Variants in SHISA9 observed in about 807,000 individuals in gnomAD.
SHISA9 encodes the protein protein shisa-9.
In SHISA9, 13 loss-of-function variants were observed where a neutral mutation model predicts 38.0. The ratio of observed to expected loss-of-function variants is 0.34; its 90% CI spans 0.22 to 0.54. SHISA9 has a LOEUF of 0.54. Ranked by LOEUF, SHISA9 falls within the 20% of genes least tolerant of loss-of-function variation. The probability of loss-of-function intolerance (pLI) is 0.91; values close to 1 mark genes in which losing one functional copy is unlikely to be tolerated. For missense variants in SHISA9, 538 were observed against 575.8 expected (o/e 0.93, Z 0.67); for synonymous variants, 275 against 242.0 (o/e 1.14, Z -1.27).
At chr16:13,093,684 G>A (rs577831589) in intron 2 of SHISA9, among the ~76,000 whole-genome samples, 2 of 152,126 alleles carry the variant, frequency 1.3e-5, no homozygotes, top group Non-Finnish European at 2.9e-5. Context: ...GCGCCCACAT[G>A]TGCTTTGAGG....
chr16:13,284,036 A>G, the SHISA9 span, among the ~76,000 whole-genome samples: 4 of 152,146 alleles, frequency 2.6e-5, no homozygotes, highest in Non-Finnish European at 5.9e-5. Context: ...CATCCTTTTG[A>G]TGCCTTCATT....
chr16:13,535,715 A>G, the SHISA9 span, among the ~76,000 whole-genome samples: 1 of 152,266 alleles, frequency 6.6e-6, no homozygotes, highest in East Asian at 1.9e-4. Context: ...CCTTCTTGGT[A>G]GTCTTTCTTC....
At chr16:13,130,515 A>G (rs968155293) in intron 2 of SHISA9, among the ~76,000 whole-genome samples, 10 of 152,260 alleles carry the variant, frequency 6.6e-5, no homozygotes, top group African/African-American at 2.4e-4. Flanking sequence ...GTACTTTTCC[A>G]AAGTACTTCA....
the SHISA9 span, among the ~76,000 whole-genome samples, chr16:13,503,775 T>A: frequency 6.6e-6 from 1 of 152,142 alleles, no homozygotes; most frequent in Non-Finnish European, 1.5e-5. Context: ...AAGGCGTGGA[T>A]GTAATATAAT....
intron 2 of SHISA9, among the ~76,000 whole-genome samples, chr16:13,092,942 C>T (rs13331847): frequency 7.9e-5 from 12 of 152,266 alleles, no homozygotes; most frequent in Middle Eastern, 3.4e-3. Context: ...TGTTCCTATT[C>T]GGCCATCTTG....
At chr16:13,372,991 T>TA in the SHISA9 span, among the ~76,000 whole-genome samples, 1 of 152,168 alleles carries the variant, frequency 6.6e-6, no homozygotes, top group African/African-American at 2.4e-5. Context: ...CATAAAATAG[T>TA]AAGTTTTTTT....
At chr16:12,989,093 A>G (rs894475072) in intron 2 of SHISA9, among the ~76,000 whole-genome samples, 5 of 152,200 alleles carry the variant, frequency 3.3e-5, no homozygotes, top group Non-Finnish European at 5.9e-5. Flanking sequence ...TTTTCAGACT[A>G]AAGATCCATT....
At chr16:13,292,110 G>C in the SHISA9 span, among the ~76,000 whole-genome samples, 1 of 151,398 alleles carries the variant, frequency 6.6e-6, no homozygotes, top group Non-Finnish European at 1.5e-5. Flanking sequence ...CAGAGACCAA[G>C]TGTGGAGACA....
chr16:12,981,379 C>G (rs1230698710), intron 2 of SHISA9, among the ~76,000 whole-genome samples: 2 of 152,252 alleles, frequency 1.3e-5, no homozygotes, highest in Non-Finnish European at 1.5e-5. Context: ...GGGGAGCAGA[C>G]AGAGCCATAC....
At chr16:13,127,136 G>C (rs779072428) in intron 2 of SHISA9, among the ~76,000 whole-genome samples, 1 of 147,776 alleles carries the variant, frequency 6.8e-6, no homozygotes, top group Admixed American at 6.7e-5. Flanking sequence ...GGGAGGGAGA[G>C]AGAGAGAGAG....
chr16:13,410,548 C>T, the SHISA9 span, among the ~76,000 whole-genome samples: 2 of 152,076 alleles, frequency 1.3e-5, no homozygotes, highest in Non-Finnish European at 1.5e-5. Flanking sequence ...AAATTAAAGA[C>T]GGTGCTAATT....
the SHISA9 span, among the ~76,000 whole-genome samples, chr16:13,413,819 A>C: frequency 6.6e-6 from 1 of 150,990 alleles, no homozygotes; most frequent in Non-Finnish European, 1.5e-5. Flanking sequence ...AGTTGAGTAT[A>C]TATATTGGGA....
intron 2 of SHISA9, among the ~76,000 whole-genome samples, chr16:13,144,015 C>G (rs1180935723): frequency 6.6e-6 from 1 of 152,008 alleles, no homozygotes; most frequent in African/African-American, 2.4e-5. Flanking sequence ...AATAGGGTAC[C>G]ATATGTTTGG....
chr16:13,225,249 T>C (rs981508746), intron 4 of SHISA9, among the ~76,000 whole-genome samples: 1 of 152,154 alleles, frequency 6.6e-6, no homozygotes, highest in Non-Finnish European at 1.5e-5. Flanking sequence ...TAGCAGAGCC[T>C]TCAGATGGAG....
At chr16:13,168,866 C>G (rs2050660873) in intron 2 of SHISA9, among the ~76,000 whole-genome samples, 1 of 152,242 alleles carries the variant, frequency 6.6e-6, no homozygotes, top group South Asian at 2.1e-4. Flanking sequence ...TAAGAGTAGG[C>G]ATCAATACCT....
At chr16:13,105,507 G>A (rs553491254) in intron 2 of SHISA9, among the ~76,000 whole-genome samples, 2 of 152,322 alleles carry the variant, frequency 1.3e-5, no homozygotes, top group African/African-American at 2.4e-5. Flanking sequence ...GAAGGAGAGA[G>A]GATGGGTAGG....
chr16:13,444,308 T>C, the SHISA9 span, among the ~76,000 whole-genome samples: 2 of 151,554 alleles, frequency 1.3e-5, no homozygotes, highest in African/African-American at 4.9e-5. Flanking sequence ...AGGGTGGAAG[T>C]TGCAGTGAGC....
the SHISA9 span, among the ~76,000 whole-genome samples, chr16:13,266,626 G>A: frequency 1.3e-4 from 20 of 152,220 alleles, no homozygotes; most frequent in East Asian, 1.9e-4. Context: ...CATTGTAAAC[G>A]AAGAAGAAAA....
At chr16:13,020,825 A>G (rs1458897674) in intron 2 of SHISA9, among the ~76,000 whole-genome samples, 1 of 152,210 alleles carries the variant, frequency 6.6e-6, no homozygotes, top group Non-Finnish European at 1.5e-5. Flanking sequence ...TCTAATTGTC[A>G]TGTATTCAGG....
Sources: allele counts gnomAD v4.1 joint callset (sites outside exome capture counted in the v4.1 genomes callset), GRCh38; gene constraint gnomAD v4.1.1; transcripts MANE v1.5; gene names NCBI Gene and HGNC (gene_info 2026-07-23, HGNC 2026-07-21).